Variants in ADGRL3 observed in about 807,000 individuals in gnomAD.
ADGRL3 encodes calcium-independent alpha-latrotoxin receptor 3.
In ADGRL3, 62 loss-of-function variants were observed where a neutral mutation model predicts 153.5. The observed-to-expected ratio is 0.40, with a 90% CI of 0.33 to 0.50. ADGRL3 has a LOEUF of 0.50. Ranked by LOEUF, ADGRL3 falls within the 20% of genes least tolerant of loss-of-function variation. The pLI, the probability that ADGRL3 is intolerant of heterozygous loss-of-function variation, is 0.47. For synonymous variants in ADGRL3, 710 were observed against 672.5 expected, an observed-to-expected ratio of 1.06 and a Z score of -0.86; for missense variants, 1,641 against 1,859.4, an observed-to-expected ratio of 0.88 and a Z score of 2.16.
At chr4:61,763,928 A>G (rs887152154) in intron 8 of ADGRL3, among the ~76,000 whole-genome samples, 20 of 152,208 alleles carry the variant, frequency 1.3e-4, no homozygotes, top group Non-Finnish European at 2.9e-5. Flanking sequence ...ATAAAAATGT[A>G]TGCTCATATT....
intron 5 of ADGRL3, among the ~76,000 whole-genome samples, chr4:61,620,118 G>A (rs1290979943): frequency 6.6e-6 from 1 of 151,444 alleles, no homozygotes; most frequent in Non-Finnish European, 1.5e-5. Flanking sequence ...TTAAAAAAAT[G>A]CGAGGGTATC....
At chr4:61,275,401 T>C (rs1243283191) in intron 1 of ADGRL3, among the ~76,000 whole-genome samples, 4 of 152,156 alleles carry the variant, frequency 2.6e-5, no homozygotes, top group Admixed American at 2.6e-4. Flanking sequence ...AGCATCTGCC[T>C]AGTGTTGGTA....
At chr4:61,431,706 A>C (rs1375089160) in intron 2 of ADGRL3, among the ~76,000 whole-genome samples, 1 of 152,220 alleles carries the variant, frequency 6.6e-6, no homozygotes, top group Non-Finnish European at 1.5e-5. Context: ...CTAGTATTAA[A>C]TCTACCTCAG....
At chr4:61,962,886 T>G (rs2098993214) in intron 17 of ADGRL3, among the ~76,000 whole-genome samples, 1 of 152,188 alleles carries the variant, frequency 6.6e-6, no homozygotes, top group African/African-American at 2.4e-5. Context: ...ACCATCTTTG[T>G]GACAAGCAAA....
Position 62,070,982 on chromosome 4 carries a change from GTAA to G in ADGRL3, c.*79_*81del. On this transcript the variant is annotated 3_prime_UTR_variant, in exon 27 of 27. Transcript: ENST00000683033. ...CTGTTCTGAGTTGATATAAGCAGTG[GTAA>G]TAATGTGTGTACTCCTAAATCTTTA... The G allele has an allele frequency of 8.4e-7, 1 of 1,192,270 alleles. No homozygotes were observed. The allele number at this position is 1,192,270 out of a possible 1,614,324, so 73.9% of individuals were successfully genotyped here.
rs1245082274 is a variant in ADGRL3, at chr4:62,070,398, T to A, written c.4122T>A (p.Asp1374Glu). Residue 1374 changes from aspartate (D) to glutamate (E), a missense_variant, in exon 27 of 27, where the codon GAT becomes GAA. Around this residue, in one of 5 missense-constraint regions of ADGRL3, gnomAD observed 517 missense variants for 555.0 expected, o/e 0.93. Transcript: ENST00000683033. ...ACCTTGGCAGTGGAAGGGAAGATGATGCCATTGTCCTGGATGATGCCACCT... is the reference window on the plus strand; with the variant it reads ...ACCTTGGCAGTGGAAGGGAAGATGAAGCCATTGTCCTGGATGATGCCACCT... The part of the protein sequence containing the change: ...VNNLGSGRED[D>E]AIVLDDATSF... 1.3e-6 allele frequency: 2 copies of A among 1,552,028 alleles called. No individual in the cohort carries two copies. The highest frequency in any genetic ancestry group is 8.7e-7 in the Non-Finnish European group (1 of 1,147,056).
At chr4:61,795,686 C>T (rs370729673) in intron 8 of ADGRL3, among the ~76,000 whole-genome samples, 4 of 152,142 alleles carry the variant, frequency 2.6e-5, no homozygotes, top group South Asian at 2.1e-4. Context: ...ATTGCATAGA[C>T]GTGTGTGTAG....
intron 13 of ADGRL3, among the ~76,000 whole-genome samples, chr4:61,915,859 G>C (rs562266236): frequency 6.6e-6 from 1 of 151,960 alleles, no homozygotes; most frequent in East Asian, 1.9e-4. Context: ...TATGCTTGAA[G>C]TGCTTTAGGC....
At chr4:61,880,344 A>G (rs1260041336) in intron 9 of ADGRL3, among the ~76,000 whole-genome samples, 1 of 152,202 alleles carries the variant, frequency 6.6e-6, no homozygotes, top group South Asian at 2.1e-4. Context: ...CACTAGATCT[A>G]TAATTTCTGA....
chr4:61,920,035 T>C (rs146626441), intron 13 of ADGRL3, among the ~76,000 whole-genome samples: 306 of 152,312 alleles, frequency 2.0e-3, no homozygotes, highest in African/African-American at 7.2e-3. Context: ...CAACTTGTAT[T>C]CTCTTCTCTT....
In ADGRL3 at chr4:62,071,204, G is replaced by A. The variant is rs1369000529; in HGVS notation, c.*296G>A. 3.7e-6 allele frequency: 1 copy of A among 267,484 alleles called. No individual in the cohort carries two copies. Among genetic ancestry groups the A allele is most frequent in the Non-Finnish European group, 7.1e-6 (1 of 140,356 alleles). The allele number at this position is 267,484 out of a possible 1,614,324, so 16.6% of individuals were successfully genotyped here. ...AGAAAATGGCACTCATTGTGGCCTT[G>A]TTGAATTATGTTGTGTATGTTTTAA... is the stretch of plus-strand genomic sequence containing the variant. On this transcript the variant is annotated 3_prime_UTR_variant, in exon 27 of 27. Transcript: ENST00000683033.
At chr4:61,750,649 G>T (rs1286997292) in intron 8 of ADGRL3, among the ~76,000 whole-genome samples, 1 of 152,002 alleles carries the variant, frequency 6.6e-6, no homozygotes, top group Non-Finnish European at 1.5e-5. Context: ...ATTTAGCCGG[G>T]CGTAGTGGCG....
intron 4 of ADGRL3, among the ~76,000 whole-genome samples, chr4:61,575,274 T>C (rs2098866510): frequency 6.6e-6 from 1 of 152,040 alleles, no homozygotes; most frequent in Admixed American, 6.6e-5. Flanking sequence ...CAAGACTTAA[T>C]GAAATAATTT....
intron 8 of ADGRL3, chr4:61,775,642 CA>C: frequency 1.3e-6 from 2 of 1,487,082 alleles, no homozygotes; most frequent in Non-Finnish European, 1.9e-6. Flanking sequence ...GTGTTCAGCA[CA>C]AAGGGCCTCC....
chr4:61,778,911 A>C (rs924841387), intron 8 of ADGRL3, among the ~76,000 whole-genome samples: 1 of 152,116 alleles, frequency 6.6e-6, no homozygotes, highest in Non-Finnish European at 1.5e-5. Flanking sequence ...TACAAAAATT[A>C]GCTGGGCACG....
chr4:61,723,950 C>T (rs2151686558), intron 6 of ADGRL3, among the ~76,000 whole-genome samples: 1 of 152,236 alleles, frequency 6.6e-6, no homozygotes, highest in Non-Finnish European at 1.5e-5. Context: ...TAAAATGATT[C>T]ACAGATTGAC....
intron 8 of ADGRL3, among the ~76,000 whole-genome samples, chr4:61,755,328 G>T (rs1422653718): frequency 3.3e-5 from 5 of 152,040 alleles, no homozygotes; most frequent in Non-Finnish European, 7.4e-5. Flanking sequence ...GTGTGAGATG[G>T]TATCTCACTG....
chr4:61,500,384 T>G (rs533071769), intron 3 of ADGRL3, among the ~76,000 whole-genome samples: 1 of 152,316 alleles, frequency 6.6e-6, no homozygotes, highest in South Asian at 2.1e-4. Flanking sequence ...ATGAAGGGCT[T>G]TATAAGCAGC....
At chr4:61,918,468 T>C (rs1450206410) in intron 13 of ADGRL3, among the ~76,000 whole-genome samples, 3 of 152,166 alleles carry the variant, frequency 2.0e-5, no homozygotes, top group Non-Finnish European at 4.4e-5. Flanking sequence ...GAAATCAATG[T>C]TCTAGATGAA....
Sources: allele counts gnomAD v4.1 joint callset (sites outside exome capture counted in the v4.1 genomes callset), GRCh38; gene constraint gnomAD v4.1.1; regional missense constraint gnomAD v4.1.1; transcripts MANE v1.5; gene names NCBI Gene and HGNC (gene_info 2026-07-23, HGNC 2026-07-21).